Variants in AMBRA1 observed in about 807,000 individuals in gnomAD.
AMBRA1 encodes the protein activating molecule in BECN1-regulated autophagy protein 1.
Under a neutral mutation model 125.4 loss-of-function variants are expected in AMBRA1, and 47 were observed. That is an observed-to-expected ratio of 0.37 (90% confidence interval 0.30 to 0.48). The LOEUF is 0.48. Ranked by LOEUF, AMBRA1 falls within the 20% of genes least tolerant of loss-of-function variation. The pLI, the probability that AMBRA1 is intolerant of heterozygous loss-of-function variation, is 0.99. For missense variants in AMBRA1, 1,331 were observed against 1,693.4 expected (o/e 0.79, Z 3.76); for synonymous variants, 626 against 655.5 (o/e 0.95, Z 0.69).
At chr11:46,574,115 G>T (rs1310234352) in intron 1 of AMBRA1, among the ~76,000 whole-genome samples, 1 of 140,084 alleles carries the variant, frequency 7.1e-6, no homozygotes, top group Non-Finnish European at 1.5e-5. Context: ...GAATAGTGCC[G>T]CAATAAACAT....
intron 11 of AMBRA1, among the ~76,000 whole-genome samples, chr11:46,446,589 T>C (rs1948295045): frequency 6.6e-6 from 1 of 152,128 alleles, no homozygotes; most frequent in South Asian, 2.1e-4. Flanking sequence ...GACAGATAAT[T>C]ATTTGTGTGA....
chr11:46,509,605 T>C (rs924992852), intron 8 of AMBRA1, among the ~76,000 whole-genome samples: 3 of 152,122 alleles, frequency 2.0e-5, no homozygotes, highest in African/African-American at 4.8e-5. Context: ...AGAAACACCA[T>C]GTAGCAATTA....
chr11:46,434,891 C>T lies in AMBRA1; in HGVS notation c.2779G>A (p.Ala927Thr). The change falls in exon 13 of 18, where the codon GCC becomes ACC. Residue 927 changes from alanine (A) to threonine (T), a missense_variant. This residue lies in a region of AMBRA1 where 354 missense variants were observed against 532.7 expected (regional missense o/e 0.66). Coordinates refer to ENST00000683756, the MANE Select transcript of AMBRA1 (RefSeq NM_001387011.1). ...DEGILAVYSL[A>T]PHNLGEMLYT... ...AGCATTTCGCCCAGGTTATGGGGGG[C>T]CAGGGAGTACACTGCCAGGATGCCT... 6.2e-7 allele frequency: 1 copy of T among 1,613,358 alleles called. No homozygotes were observed. The highest frequency in any genetic ancestry group is 2.2e-5 in the East Asian group (1 of 44,846).
At position 46,548,452 on chromosome 11, in the gene AMBRA1, C is replaced by T; in HGVS notation, c.-72G>A. The T allele has an allele frequency of 3.1e-6, 5 of 1,591,520 alleles. No individual in the cohort carries two copies. The highest frequency in any genetic ancestry group is 3.4e-6 in the Non-Finnish European group (4 of 1,169,122). ...AAGTAACAGCTCCAACACACTGAAG[C>T]AGCTAAAATGAGGCCATACAGGTCC... On this transcript the variant is annotated 5_prime_UTR_variant, in exon 2 of 18. Coordinates refer to ENST00000683756, the MANE Select transcript of AMBRA1 (RefSeq NM_001387011.1).
intron 12 of AMBRA1, among the ~76,000 whole-genome samples, chr11:46,435,709 C>A (rs75748389): frequency 2.0e-5 from 3 of 152,102 alleles, no homozygotes; most frequent in Non-Finnish European, 4.4e-5. Context: ...TCCATGACAG[C>A]CCTAGTCTGC....
intron 11 of AMBRA1, among the ~76,000 whole-genome samples, chr11:46,475,610 T>C (rs1485926680): frequency 1.3e-5 from 2 of 152,210 alleles, no homozygotes; most frequent in Non-Finnish European, 2.9e-5. Flanking sequence ...ATTCCAACCC[T>C]TTCCTTCAGA....
chr11:46,554,248 A>T (rs1591108807), intron 1 of AMBRA1, among the ~76,000 whole-genome samples: 1 of 152,178 alleles, frequency 6.6e-6, no homozygotes, highest in Non-Finnish European at 1.5e-5. Context: ...GGTGTGGTGG[A>T]AACAGCAGCA....
At chr11:46,499,166 T>C (rs867273765) in intron 9 of AMBRA1, among the ~76,000 whole-genome samples, 1 of 152,198 alleles carries the variant, frequency 6.6e-6, no homozygotes, top group Non-Finnish European at 1.5e-5. Flanking sequence ...TACAAATTCC[T>C]CTCCTCCCTT....
chr11:46,521,231 T>A (rs544950634), intron 7 of AMBRA1, among the ~76,000 whole-genome samples: 1 of 152,238 alleles, frequency 6.6e-6, no homozygotes. Context: ...TTACATCACC[T>A]TCATCCCCTC....
intron 7 of AMBRA1, among the ~76,000 whole-genome samples, chr11:46,537,058 T>A (rs1952510338): frequency 6.6e-6 from 1 of 152,200 alleles, no homozygotes; most frequent in South Asian, 2.1e-4. Context: ...ATAGTGAACA[T>A]CCCTAACAGG....
intron 11 of AMBRA1, among the ~76,000 whole-genome samples, chr11:46,485,122 G>C (rs923705476): frequency 6.6e-6 from 1 of 152,132 alleles, no homozygotes; most frequent in Non-Finnish European, 1.5e-5. Flanking sequence ...ATTTTTAGTA[G>C]AGACAGGGTT....
chr11:46,455,860 TA>T, intron 11 of AMBRA1, among the ~76,000 whole-genome samples: 1 of 152,296 alleles, frequency 6.6e-6, no homozygotes, highest in East Asian at 1.9e-4. Context: ...AACCCAGGAT[TA>T]ATCTGGGCTG....
intron 11 of AMBRA1, among the ~76,000 whole-genome samples, chr11:46,477,717 A>G (rs767969336): frequency 1.3e-5 from 2 of 152,062 alleles, no homozygotes; most frequent in Non-Finnish European, 2.9e-5. Context: ...GTTTATCAAC[A>G]GCAGAGCCCC....
At chr11:46,586,745 G>T (rs188177395) in intron 1 of AMBRA1, among the ~76,000 whole-genome samples, 43 of 152,300 alleles carry the variant, frequency 2.8e-4, no homozygotes, top group African/African-American at 6.0e-4. Flanking sequence ...TACAGATGAG[G>T]AGAGGCACAG....
intron 15 of AMBRA1, among the ~76,000 whole-genome samples, chr11:46,417,459 T>A (rs905515132): frequency 4.6e-5 from 7 of 152,170 alleles, no homozygotes; most frequent in African/African-American, 1.7e-4. Context: ...GATCGGCTAT[T>A]AGAGATCAGT....
intron 7 of AMBRA1, among the ~76,000 whole-genome samples, chr11:46,516,418 T>C (rs781708500): frequency 1.6e-3 from 233 of 142,946 alleles, no homozygotes; most frequent in Non-Finnish European, 2.3e-3. Context: ...CAAAGAAAGA[T>C]CTTTCTTTTT....
chr11:46,564,739 C>G (rs1229175061), intron 1 of AMBRA1, among the ~76,000 whole-genome samples: 2 of 152,154 alleles, frequency 1.3e-5, no homozygotes, highest in African/African-American at 4.8e-5. Context: ...AATATCCATG[C>G]CTCAACCTAT....
At chr11:46,583,149 A>G (rs2044236112) in intron 1 of AMBRA1, among the ~76,000 whole-genome samples, 1 of 152,186 alleles carries the variant, frequency 6.6e-6, no homozygotes, top group African/African-American at 2.4e-5. Flanking sequence ...GTACCAAAAC[A>G]GAGATATTGA....
At chr11:46,590,321 G>C (rs935450867) in intron 1 of AMBRA1, among the ~76,000 whole-genome samples, 1 of 151,810 alleles carries the variant, frequency 6.6e-6, no homozygotes, top group African/African-American at 2.4e-5. Flanking sequence ...CCTGGTGACA[G>C]AGCAAGACTC....
Sources: gnomAD v4.1 joint callset for allele counts (sites outside exome capture counted in the v4.1 genomes callset) on GRCh38, gnomAD v4.1.1 for gene constraint, gnomAD v4.1.1 regional missense constraint, MANE v1.5 for transcripts, NCBI Gene and HGNC (gene_info 2026-07-23, HGNC 2026-07-21) for gene names.